NBAS: variants seen among roughly 807,000 people sequenced by gnomAD.
NBAS encodes the protein NAG/BC035112 fusion.
Under a neutral mutation model 302.5 loss-of-function variants are expected in NBAS, and 219 were observed. The observed-to-expected ratio is 0.72, with a 90% CI of 0.65 to 0.81. The LOEUF (loss-of-function observed/expected upper bound fraction) is 0.81, where lower values mean the gene tolerates loss of function less well. Ranked by LOEUF, NBAS falls within the 30% of genes least tolerant of loss-of-function variation. The pLI is 0.00. For synonymous variants in NBAS, 1,118 were observed against 1,021.6 expected (o/e 1.09, Z -1.80); for missense variants, 2,932 against 2,841.6 (o/e 1.03, Z -0.72).
chr2:14,865,342 G>A, the NBAS span, among the ~76,000 whole-genome samples: 1 of 151,774 alleles, frequency 6.6e-6, no homozygotes, highest in Admixed American at 6.6e-5. Context: ...GCAGGTGGGG[G>A]TGGGGAGTCT....
At chr2:15,164,562 G>A (rs192351709), downstream of NBAS, among the ~76,000 whole-genome samples, 358 of 152,238 alleles carry the variant, frequency 2.4e-3, 1 homozygote, top group African/African-American at 8.1e-3. Context: ...CCTGGGGGCC[G>A]CGTCCCAGGA....
intron 22 of NBAS, among the ~76,000 whole-genome samples, chr2:15,426,704 G>A (rs559191698): frequency 8.5e-5 from 13 of 152,124 alleles, no homozygotes; most frequent in South Asian, 4.2e-4. Context: ...TAAAGTTTTC[G>A]TTGTGTATGT....
At chr2:14,873,168 CCCATTTTACAGAGAGCTGATTGGT>C in the NBAS span, among the ~76,000 whole-genome samples, 8 of 152,176 alleles carry the variant, frequency 5.3e-5, no homozygotes, top group Non-Finnish European at 1.2e-4. Context: ...AGCTGATTGG[CCCATTTTACAGAGAGCTGATTGGT>C]CCATTTTCAC....
At chr2:14,813,409 C>A in the NBAS span, among the ~76,000 whole-genome samples, 42 of 152,184 alleles carry the variant, frequency 2.8e-4, no homozygotes, top group Non-Finnish European at 3.8e-4. Context: ...AGATGAGGAA[C>A]TTATTGGGAA....
chr2:15,382,691 G>A (rs987821342), intron 29 of NBAS, among the ~76,000 whole-genome samples: 2 of 152,052 alleles, frequency 1.3e-5, no homozygotes, highest in African/African-American at 4.8e-5. Flanking sequence ...TGAGGGAGCT[G>A]GCATCTTCTA....
chr2:14,980,993 A>C, the NBAS span, among the ~76,000 whole-genome samples: 1,302 of 152,290 alleles, frequency 8.5e-3, 21 homozygotes, highest in African/African-American at 0.029. Context: ...GAGGAGAGAA[A>C]GATAAAATCA....
intron 50 of NBAS, among the ~76,000 whole-genome samples, chr2:15,184,749 C>T (rs932009754): frequency 6.6e-6 from 1 of 152,212 alleles, no homozygotes; most frequent in African/African-American, 2.4e-5. Flanking sequence ...GCCTGATACA[C>T]ATAACTGTTA....
the NBAS span, among the ~76,000 whole-genome samples, chr2:15,056,231 C>A: frequency 6.6e-6 from 1 of 151,960 alleles, no homozygotes. Flanking sequence ...TTTGGCAAAA[C>A]CTGAATGGGA....
chr2:15,536,902 A>C (rs1369352073), intron 7 of NBAS, among the ~76,000 whole-genome samples: 3 of 152,244 alleles, frequency 2.0e-5, no homozygotes, highest in Non-Finnish European at 4.4e-5. Flanking sequence ...TAAAGATAGA[A>C]GCTTCCAAAT....
At chr2:15,169,870 T>G (rs1366287077) in intron 51 of NBAS, among the ~76,000 whole-genome samples, 2 of 152,228 alleles carry the variant, frequency 1.3e-5, no homozygotes, top group Non-Finnish European at 2.9e-5. Flanking sequence ...TGCTAATGCG[T>G]GCACACACAC....
intron 44 of NBAS, among the ~76,000 whole-genome samples, chr2:15,242,833 T>C (rs1314655205): frequency 6.6e-6 from 1 of 152,118 alleles, no homozygotes; most frequent in African/African-American, 2.4e-5. Context: ...AATGGATTTT[T>C]TGAAATAAAG....
At chr2:14,940,918 A>T in the NBAS span, among the ~76,000 whole-genome samples, 3 of 152,224 alleles carry the variant, frequency 2.0e-5, no homozygotes, top group Non-Finnish European at 4.4e-5. Flanking sequence ...AAGCTCCTCA[A>T]GAGATGGTAA....
intron 38 of NBAS, among the ~76,000 whole-genome samples, chr2:15,315,195 G>A (rs1259133812): frequency 1.3e-5 from 2 of 152,202 alleles, no homozygotes; most frequent in Non-Finnish European, 2.9e-5. Context: ...AAGATATGCA[G>A]TGTAGTGTCA....
At chr2:15,325,167 C>T (rs909892280) in intron 38 of NBAS, among the ~76,000 whole-genome samples, 5 of 152,126 alleles carry the variant, frequency 3.3e-5, no homozygotes, top group African/African-American at 1.2e-4. Context: ...TATTCAAATT[C>T]ACATACATGT....
intron 42 of NBAS, among the ~76,000 whole-genome samples, chr2:15,279,546 A>G (rs1354006029): frequency 6.6e-6 from 1 of 152,216 alleles, no homozygotes; most frequent in African/African-American, 2.4e-5. Flanking sequence ...AAAATGGACA[A>G]TGACTATATC....
the NBAS span, among the ~76,000 whole-genome samples, chr2:15,074,274 C>T: frequency 6.6e-6 from 1 of 151,518 alleles, no homozygotes; most frequent in Non-Finnish European, 1.5e-5. Context: ...GGATTACTAC[C>T]TTATTCCTGT....
At chr2:15,093,948 A>C in the NBAS span, among the ~76,000 whole-genome samples, 4 of 152,184 alleles carry the variant, frequency 2.6e-5, no homozygotes, top group African/African-American at 9.7e-5. Flanking sequence ...CACAGATGTA[A>C]AGTGTTATCT....
the NBAS span, among the ~76,000 whole-genome samples, chr2:15,133,295 AG>A: frequency 6.6e-6 from 1 of 150,884 alleles, no homozygotes; most frequent in Non-Finnish European, 1.5e-5. Flanking sequence ...AGAAGAGGGA[AG>A]AAGATCCATT....
intron 32 of NBAS, among the ~76,000 whole-genome samples, chr2:15,360,044 GGT>G (rs1456261137): frequency 6.6e-6 from 1 of 151,976 alleles, no homozygotes; most frequent in Non-Finnish European, 1.5e-5. Flanking sequence ...GGAATGCAAT[GGT>G]AAGAATTATG....
Sources: allele counts gnomAD v4.1 joint callset (sites outside exome capture counted in the v4.1 genomes callset), GRCh38; gene constraint gnomAD v4.1.1; transcripts MANE v1.5; gene names NCBI Gene and HGNC (gene_info 2026-07-23, HGNC 2026-07-21).